Variants in OTUD7B observed in about 807,000 individuals in gnomAD.
OTUD7B encodes OTU deubiquitinase 7B, also known as OTU domain-containing protein 7B.
In OTUD7B, 34 loss-of-function variants were observed where a neutral mutation model predicts 82.2. That is an observed-to-expected ratio of 0.41 (90% CI 0.31 to 0.55). The LOEUF is 0.55. OTUD7B is among the 20% of genes least tolerant of loss of function. The pLI is 0.20. For missense variants in OTUD7B, 944 were observed against 1,062.1 expected (o/e 0.89, Z 1.55); for synonymous variants, 398 against 402.7 (o/e 0.99, Z 0.14).
chr1:150,016,452 C>CT, the OTUD7B span, among the ~76,000 whole-genome samples: 7 of 106,626 alleles, frequency 6.6e-5, no homozygotes, highest in African/African-American at 2.5e-4. Flanking sequence ...TTTTCTTTTT[C>CT]TTTTTTTTTT....
At chr1:150,062,045 G>A in the OTUD7B span, among the ~76,000 whole-genome samples, 34 of 152,120 alleles carry the variant, frequency 2.2e-4, no homozygotes, top group African/African-American at 8.2e-4. Context: ...ACTCAAAACT[G>A]ACAAACTGGA....
chr1:149,954,922 T>G lies in OTUD7B; in HGVS notation c.846-4701A>C, dbSNP rs187270326. Reference sequence around the variant, plus strand: ...ATCATTTTTTATTGTGTCTATTTGATTCTTCTCTCTTTTCTTCTTTATTAG... The same window carrying G: ...ATCATTTTTTATTGTGTCTATTTGAGTCTTCTCTCTTTTCTTCTTTATTAG... On this transcript the variant is annotated intron_variant, in intron 7 of 11. Coordinates refer to ENST00000581312, the MANE Select transcript of OTUD7B (RefSeq NM_020205.4). 3.8e-3 allele frequency among the ~76,000 whole-genome samples: 583 copies of G among 152,296 alleles called. 6 individuals are homozygous for G. The highest frequency in any genetic ancestry group is 0.013 in the African/African-American group (553 of 41,572).
the OTUD7B span, among the ~76,000 whole-genome samples, chr1:150,064,414 T>C: frequency 6.6e-6 from 1 of 152,130 alleles, no homozygotes; most frequent in South Asian, 2.1e-4. Context: ...TCTCACTCTG[T>C]TGCCTGGAGT....
the OTUD7B span, among the ~76,000 whole-genome samples, chr1:150,019,009 T>C: frequency 1.3e-5 from 2 of 152,192 alleles, no homozygotes; most frequent in African/African-American, 2.4e-5. Context: ...CTCTAGCCTA[T>C]TCCTATGGAA....
upstream of OTUD7B, among the ~76,000 whole-genome samples, chr1:150,014,547 A>C (rs1285884215): frequency 6.6e-6 from 1 of 152,214 alleles, no homozygotes; most frequent in Admixed American, 6.5e-5. Flanking sequence ...TGTTCACTAT[A>C]GCTTTATTCA....
rs782471687 is a variant in OTUD7B at position 149,967,466 on chromosome 1, G to C, written c.330C>G (p.Ala110=). Residue 110 remains alanine, a synonymous_variant, in exon 4 of 12, where the codon GCC becomes GCG. Coordinates refer to ENST00000581312, the MANE Select transcript of OTUD7B (RefSeq NM_020205.4). ...SHASSSIVSL[A]RSHVSSNGGG... is the part of the protein sequence containing the mutation. The stretch of plus-strand genomic sequence containing the variant: ...CACCATTGGAGGAGACATGGGACCG[G>C]GCCAGGGAAACAATGCTGGAGCTGG... The C allele has an allele frequency of 1.8e-5, 29 of 1,613,716 alleles. No individual in the cohort carries two copies. The highest frequency in any genetic ancestry group is 2.4e-5 in the Non-Finnish European group (28 of 1,179,842).
the OTUD7B span, among the ~76,000 whole-genome samples, chr1:150,063,896 GT>G: frequency 1.3e-5 from 2 of 152,254 alleles, no homozygotes; most frequent in African/African-American, 4.8e-5. Context: ...TTTTTCCTAA[GT>G]TTTTTCTTCA....
chr1:150,060,984 G>A, the OTUD7B span, among the ~76,000 whole-genome samples: 2 of 151,786 alleles, frequency 1.3e-5, no homozygotes, highest in South Asian at 2.1e-4. Flanking sequence ...GCAGTGGAAC[G>A]TTCATGGCTC....
At chr1:149,988,115 C>T (rs1651280200) in intron 1 of OTUD7B, among the ~76,000 whole-genome samples, 1 of 151,700 alleles carries the variant, frequency 6.6e-6, no homozygotes, top group African/African-American at 2.4e-5. Context: ...TTCTACTCAC[C>T]CTGCATACTT....
rs1391213544 is a variant in OTUD7B at position 149,944,147 on chromosome 1, A to G, written c.2242T>C (p.Ser748Pro). The G allele has an allele frequency of 1.9e-6, 3 of 1,613,854 alleles. No individual in the cohort carries two copies. The highest frequency in any genetic ancestry group is 2.7e-5 in the African/African-American group (2 of 74,892). The change falls in exon 12 of 12, where the codon TCT becomes CCT. Residue 748 changes from serine (S) to proline (P), a missense_variant. This residue lies in a region of OTUD7B where 412 missense variants were observed against 418.7 expected (regional missense o/e 0.98). Coordinates refer to ENST00000581312, the MANE Select transcript of OTUD7B (RefSeq NM_020205.4). Reference protein sequence around the residue: ...RPYPHQDSIPSLEPGSHSKDG... With the variant: ...RPYPHQDSIPPLEPGSHSKDG... ...TTAGAGTGGCTGCCTGGCTCCAGAG[A>G]AGGGATGCTGTCCTGGTGGGGGTAG...
At chr1:149,966,560 G>A (rs2101820099) in intron 4 of OTUD7B, among the ~76,000 whole-genome samples, 3 of 152,242 alleles carry the variant, frequency 2.0e-5, no homozygotes, top group African/African-American at 7.2e-5. Context: ...TTAATTCCAT[G>A]CAGTCATCCC....
At chr1:150,014,043 T>TAC (rs1553787989), upstream of OTUD7B, among the ~76,000 whole-genome samples, 313 of 108,432 alleles carry the variant, frequency 2.9e-3, 4 homozygotes, top group African/African-American at 0.012. Context: ...TACGTATATA[T>TAC]GTGTGTGTAT....
the OTUD7B span, among the ~76,000 whole-genome samples, chr1:150,030,400 C>T: frequency 6.8e-4 from 103 of 152,236 alleles, 2 homozygotes; most frequent in Non-Finnish European, 7.8e-4. Flanking sequence ...TTCGAAATGC[C>T]CCTTCTGTTC....
At chr1:150,016,936 T>TTTC in the OTUD7B span, among the ~76,000 whole-genome samples, 1 of 152,162 alleles carries the variant, frequency 6.6e-6, no homozygotes, top group Non-Finnish European at 1.5e-5. Flanking sequence ...GTCTCTAAGT[T>TTTC]TTCTCTCTGG....
rs1008401802 is a variant in OTUD7B at position 149,944,540 on chromosome 1, T to C, written c.1849A>G (p.Met617Val). 6.2e-7 allele frequency: 1 copy of C among 1,614,038 alleles called. No homozygotes were observed. The highest frequency in any genetic ancestry group is 8.5e-7 in the Non-Finnish European group (1 of 1,179,994). ...TCCTGATACTGGTGACGGTGACCCA[T>C]CTTCAGGGTTCCAACAAAAATAAAC... ...GKFIFVGTLK[M>V]GHRHQYQEEM... The change falls in exon 12 of 12, where the codon ATG becomes GTG. Residue 617 changes from methionine (M) to valine (V), a missense_variant. Coordinates refer to ENST00000581312, the MANE Select transcript of OTUD7B (RefSeq NM_020205.4).
At chr1:149,956,830 T>G (rs938414688) in intron 7 of OTUD7B, among the ~76,000 whole-genome samples, 2 of 152,264 alleles carry the variant, frequency 1.3e-5, no homozygotes, top group Non-Finnish European at 2.9e-5. Context: ...TTGAATCAGC[T>G]ACTGAAGCTT....
intron 11 of OTUD7B, 148 bp from the exon 12 acceptor site, chr1:149,945,213 T>A: frequency 9.3e-7 from 1 of 1,074,548 alleles, no homozygotes; most frequent in Non-Finnish European, 1.3e-6. Context: ...GATGGACACC[T>A]ATGAACTCCG....
intron 1 of OTUD7B, among the ~76,000 whole-genome samples, chr1:149,997,718 G>A (rs1652010025): frequency 6.6e-6 from 1 of 152,162 alleles, no homozygotes; most frequent in Non-Finnish European, 1.5e-5. Context: ...CACATTTTGT[G>A]TCTAAATATA....
chr1:150,018,911 C>T, the OTUD7B span, among the ~76,000 whole-genome samples: 1 of 152,052 alleles, frequency 6.6e-6, no homozygotes, highest in Non-Finnish European at 1.5e-5. Flanking sequence ...ATCTGCAGGC[C>T]TTTATGCAGC....
Sources: gnomAD v4.1 joint callset for allele counts (sites outside exome capture counted in the v4.1 genomes callset) on GRCh38, gnomAD v4.1.1 for gene constraint, gnomAD v4.1.1 regional missense constraint, MANE v1.5 for transcripts, NCBI Gene and HGNC (gene_info 2026-07-23, HGNC 2026-07-21) for gene names.